TAOK3: variants seen among roughly 807,000 people sequenced by gnomAD.
TAOK3 encodes serine/threonine-protein kinase TAO3.
Under a neutral mutation model 120.4 loss-of-function variants are expected in TAOK3, and 40 were observed. That is an observed-to-expected ratio of 0.33 (90% CI 0.26 to 0.43). The LOEUF (loss-of-function observed/expected upper bound fraction) is 0.43, where lower values mean the gene tolerates loss of function less well. TAOK3 is among the 20% of genes least tolerant of loss of function. TAOK3 has a pLI of 1.00. For missense variants in TAOK3, 821 were observed against 1,112.1 expected (o/e 0.74, Z 3.72); for synonymous variants, 355 against 387.5 (o/e 0.92, Z 0.99).
intron 14 of TAOK3, among the ~76,000 whole-genome samples, chr12:118,187,168 C>G (rs569476318): frequency 1.3e-5 from 2 of 152,192 alleles, no homozygotes; most frequent in Admixed American, 1.3e-4. Context: ...CACCTTTGGA[C>G]CTCTTTGTGA....
At chr12:118,355,030 A>C (rs1228217881) in intron 1 of TAOK3, among the ~76,000 whole-genome samples, 2 of 151,986 alleles carry the variant, frequency 1.3e-5, no homozygotes, top group East Asian at 3.9e-4. Context: ...GCACCACTGC[A>C]CTCCAGACTA....
intron 11 of TAOK3, among the ~76,000 whole-genome samples, chr12:118,208,682 C>A (rs968528712): frequency 6.6e-6 from 1 of 151,850 alleles, no homozygotes; most frequent in Admixed American, 6.6e-5. Flanking sequence ...GATGAGCAAT[C>A]CCACTTCTAG....
chr12:118,284,461 G>A (rs906966767), intron 1 of TAOK3, among the ~76,000 whole-genome samples: 1 of 152,156 alleles, frequency 6.6e-6, no homozygotes, highest in Non-Finnish European at 1.5e-5. Context: ...AGACATGGGA[G>A]TTATTAGCTC....
At chr12:118,354,032 C>T (rs1260217916) in intron 1 of TAOK3, among the ~76,000 whole-genome samples, 3 of 151,974 alleles carry the variant, frequency 2.0e-5, no homozygotes, top group Non-Finnish European at 4.4e-5. Flanking sequence ...TTAACTGACC[C>T]AATACAAGAT....
chr12:118,269,125 T>TTCTTTCTTTCTTCTCTTTCTTCTCTC (rs2041588613), intron 1 of TAOK3, among the ~76,000 whole-genome samples: 1 of 151,698 alleles, frequency 6.6e-6, no homozygotes, highest in African/African-American at 2.4e-5. Context: ...TTCTTTCTCT[T>TTCTTTCTTTCTTCTCTTTCTTCTCTC]TCTTTCTTTC....
At chr12:118,345,575 G>A (rs984679619) in intron 1 of TAOK3, among the ~76,000 whole-genome samples, 10 of 151,926 alleles carry the variant, frequency 6.6e-5, no homozygotes, top group Non-Finnish European at 1.0e-4. Context: ...CTGCTCAAAA[G>A]AAATGTCAGA....
intron 11 of TAOK3, among the ~76,000 whole-genome samples, chr12:118,205,366 CAA>C (rs1207495126): frequency 1.1e-4 from 14 of 127,944 alleles, no homozygotes; most frequent in Non-Finnish European, 1.5e-4. Flanking sequence ...GACTCTGTCT[CAA>C]AAAAAAAAAA....
chr12:118,191,037 G>A (rs2037406896), intron 13 of TAOK3, among the ~76,000 whole-genome samples: 2 of 152,200 alleles, frequency 1.3e-5, no homozygotes, highest in Non-Finnish European at 2.9e-5. Context: ...AACCATTTGT[G>A]AGAAGTCAGT....
intron 4 of TAOK3, among the ~76,000 whole-genome samples, 186 bp from the exon 5 acceptor site, chr12:118,243,702 A>G (rs1360797600): frequency 6.6e-6 from 1 of 152,160 alleles, no homozygotes; most frequent in Non-Finnish European, 1.5e-5. Context: ...ATTGAGACAG[A>G]GTCTTGCTCT....
At chr12:118,345,573 A>T (rs2044820687) in intron 1 of TAOK3, among the ~76,000 whole-genome samples, 1 of 152,198 alleles carries the variant, frequency 6.6e-6, no homozygotes, top group African/African-American at 2.4e-5. Context: ...GGCTGCTCAA[A>T]AGAAATGTCA....
intron 13 of TAOK3, chr12:118,198,722 G>T: frequency 6.1e-6 from 2 of 326,658 alleles, no homozygotes. Context: ...ACTTCTAAAA[G>T]GGCACAACCA....
chr12:118,258,335 G>A (rs944668619), intron 2 of TAOK3, among the ~76,000 whole-genome samples: 2 of 152,152 alleles, frequency 1.3e-5, no homozygotes, highest in Non-Finnish European at 2.9e-5. Context: ...CAATAATCAA[G>A]TATAAAGTTA....
At chr12:118,247,029 C>A in intron 3 of TAOK3, 2 of 755,910 alleles carry the variant, frequency 2.6e-6, no homozygotes, top group Non-Finnish European at 4.1e-6. Context: ...AGAATTTATA[C>A]CAGAATATAT....
At chr12:118,282,423 T>G (rs534971966) in intron 1 of TAOK3, among the ~76,000 whole-genome samples, 1 of 152,330 alleles carries the variant, frequency 6.6e-6, no homozygotes, top group East Asian at 1.9e-4. Context: ...CCTTTTGGCA[T>G]TGGTAGTTCC....
At chr12:118,256,664 T>A (rs2041000830) in intron 2 of TAOK3, among the ~76,000 whole-genome samples, 1 of 152,196 alleles carries the variant, frequency 6.6e-6, no homozygotes, top group Non-Finnish European at 1.5e-5. Context: ...AGACCATATA[T>A]TGTATGATTC....
At chr12:118,297,005 A>G (rs543306978) in intron 1 of TAOK3, 1 of 152,292 alleles carries the variant, frequency 6.6e-6, no homozygotes, top group African/African-American at 2.4e-5. Context: ...TACTATGTGT[A>G]TGGCTTCATA....
intron 20 of TAOK3, 142 bp from the exon 21 acceptor site, chr12:118,151,300 CA>C: frequency 2.0e-6 from 1 of 510,218 alleles, no homozygotes; most frequent in Non-Finnish European, 3.4e-6. Flanking sequence ...CACACACACA[CA>C]CACACACACA....
rs1228981885 is a variant in TAOK3 at position 118,372,252 on chromosome 12, C to T, written c.-194+396G>A. 6.6e-6 allele frequency among the ~76,000 whole-genome samples: 1 copy of T among 151,786 alleles called. No individual in the cohort carries two copies. Among genetic ancestry groups the T allele is most frequent in the Admixed American group, 6.5e-5 (1 of 15,272 alleles). On this transcript the variant is annotated intron_variant, in intron 1 of 20. Coordinates refer to ENST00000392533, the MANE Select transcript of TAOK3 (RefSeq NM_016281.4). This position sits in a 1 kb window ranked among gnomAD's most constrained non-coding sequence, Gnocchi z 4.6. The stretch of plus-strand genomic sequence containing the variant: ...CCGGCCCCTCTCGGGGACCCTTCCC[C>T]TCTCCCCGCTGTCCCTGACCTTTTC...
chr12:118,267,462 A>G (rs1291248373), intron 1 of TAOK3, among the ~76,000 whole-genome samples: 2 of 150,768 alleles, frequency 1.3e-5, no homozygotes, highest in South Asian at 2.1e-4. Context: ...TGATCCACCC[A>G]CCTTGGCCTC....
Sources: gnomAD v4.1 joint callset for allele counts (sites outside exome capture counted in the v4.1 genomes callset) on GRCh38, gnomAD v4.1.1 for gene constraint, Gnocchi (gnomAD v3.1) non-coding constraint, MANE v1.5 for transcripts, NCBI Gene and HGNC (gene_info 2026-07-23, HGNC 2026-07-21) for gene names.